ATP13A5: variants seen among roughly 807,000 people sequenced by gnomAD.
The protein encoded by ATP13A5 is probable cation-transporting ATPase 13A5.
ATP13A5 carries 149 observed loss-of-function variants against 150.2 expected under a neutral mutation model. That is an observed-to-expected ratio of 0.99 (90% confidence interval 0.87 to 1.14). ATP13A5 has a LOEUF of 1.14. ATP13A5 is among the 50% of genes most tolerant of loss of function. The pLI is 0.00. For missense variants in ATP13A5, 1,383 were observed against 1,449.3 expected (o/e 0.95, Z 0.74); for synonymous variants, 497 against 522.2 (o/e 0.95, Z 0.66).
At chr3:193,356,355 A>C (rs1712789649) in intron 5 of ATP13A5, among the ~76,000 whole-genome samples, 1 of 152,156 alleles carries the variant, frequency 6.6e-6, no homozygotes, top group Admixed American at 6.5e-5. Context: ...CCTAAAACAG[A>C]GCCTATTATA....
intron 7 of ATP13A5, among the ~76,000 whole-genome samples, chr3:193,350,316 T>C (rs901834154): frequency 6.6e-6 from 1 of 152,138 alleles, no homozygotes; most frequent in Non-Finnish European, 1.5e-5. Flanking sequence ...TATCCTTCAG[T>C]GGGTTCCCTT....
At chr3:193,356,931 T>G (rs1315513894) in intron 5 of ATP13A5, among the ~76,000 whole-genome samples, 1 of 152,170 alleles carries the variant, frequency 6.6e-6, no homozygotes, top group African/African-American at 2.4e-5. Flanking sequence ...TTCTCCTGCC[T>G]CAGCCTCCTG....
chr3:193,377,414 C>T (rs1713681604), intron 1 of ATP13A5, among the ~76,000 whole-genome samples: 1 of 152,104 alleles, frequency 6.6e-6, no homozygotes, highest in East Asian at 1.9e-4. Context: ...CCTAAGCTAT[C>T]TAAAATATTG....
chr3:193,331,223 T>C lies in ATP13A5; in HGVS notation c.1361A>G (p.Asn454Ser), dbSNP rs1711616469. ...PVLPAALTIG[N>S]VYAQKRLKKK... ...CTTCAGTCTCTTCTGAGCATACACG[T>C]TGCCTATGGTCAGGGCAGCTGGCAG... The change falls in exon 12 of 30, where the codon AAC (asparagine) becomes AGC (serine). Residue 454 changes from asparagine to serine, a missense_variant. By Grantham distance (46) the Asn-to-Ser change is conservative. Transcript: ENST00000342358. 1.2e-6 allele frequency: 2 copies of C among 1,613,972 alleles called. No individual in the cohort carries two copies. Among genetic ancestry groups the C allele is most frequent in the African/African-American group, 2.7e-5 (2 of 74,920 alleles).
intron 23 of ATP13A5, among the ~76,000 whole-genome samples, chr3:193,303,038 C>T (rs1006265389): frequency 3.3e-5 from 5 of 152,150 alleles, no homozygotes; most frequent in African/African-American, 9.7e-5. Flanking sequence ...ATCTGAAGTT[C>T]GAATGCCACT....
intron 27 of ATP13A5, among the ~76,000 whole-genome samples, chr3:193,281,628 G>A (rs1287223172): frequency 6.6e-6 from 1 of 152,082 alleles, no homozygotes; most frequent in Admixed American, 6.5e-5. Context: ...TGTTAAAAAG[G>A]GCAAAGAGTT....
intron 21 of ATP13A5, among the ~76,000 whole-genome samples, chr3:193,309,363 A>C (rs1718750835): frequency 6.6e-6 from 1 of 152,140 alleles, no homozygotes; most frequent in Non-Finnish European, 1.5e-5. Context: ...TCTGATTCTA[A>C]GCTATACAAC....
rs752547591 is a variant in ATP13A5, at chr3:193,354,145, C to T, written c.588G>A (p.Trp196Ter). Reference sequence around the variant, plus strand: ...CAGTTACCTGTTTAACAAGCAGCTTCCATATGGGTTGGATTTCAACCTCAA... The same window carrying T: ...CAGTTACCTGTTTAACAAGCAGCTTTCATATGGGTTGGATTTCAACCTCAA... ...NAIEVEIQPI[W>*]KLLVKQVLNP... The change falls in exon 6 of 30, where the codon TGG becomes TGA. Residue 196 changes from tryptophan to a stop codon, truncating the protein, a stop_gained. Coordinates refer to ENST00000342358, the MANE Select transcript of ATP13A5 (RefSeq NM_198505.4). LOFTEE classifies it high-confidence loss of function. The T allele has an allele frequency of 2.2e-5, 35 of 1,608,962 alleles. No homozygotes were observed. In the South Asian group the frequency reaches 3.7e-4, roughly 17 times the overall value.
chr3:193,322,546 C>A lies in ATP13A5; in HGVS notation c.1703G>T (p.Cys568Phe), dbSNP rs772278699. The change falls in exon 15 of 30, where the codon TGC (cysteine) becomes TTC (phenylalanine). Residue 568 changes from cysteine (C) to phenylalanine (F), a missense_variant. Coordinates refer to ENST00000342358, the MANE Select transcript of ATP13A5 (RefSeq NM_198505.4). Reference protein sequence around the residue: ...WKMEDCIVDSCKFGTSVSNII... With the variant: ...WKMEDCIVDSFKFGTSVSNII... Reference sequence around the variant, plus strand: ...GTTTGAAACTGACGTCCCAAATTTGCAGGAGTCTACAATGCAATCTTCCAT... The same window carrying A: ...GTTTGAAACTGACGTCCCAAATTTGAAGGAGTCTACAATGCAATCTTCCAT... 1.9e-6 allele frequency: 3 copies of A among 1,613,378 alleles called. No homozygotes were observed. Among genetic ancestry groups the A allele is most frequent in the Non-Finnish European group, 2.5e-6 (3 of 1,179,504 alleles).
At position 193,275,294 on chromosome 3, in the gene ATP13A5, G is replaced by A; in HGVS notation, c.3405C>T (p.Ile1135=). 6.2e-7 allele frequency: 1 copy of A among 1,612,570 alleles called. No individual in the cohort carries two copies. The highest frequency in any genetic ancestry group is 1.1e-5 in the South Asian group (1 of 90,972). ...FCVAFFVEDS[I]LQNHELWLLI... ...ACAGCCAGAGTTCATGATTTTGAAG[G>A]ATGGAATCCTGAAAAATCAGATGGG... Residue 1135 remains isoleucine (I), a synonymous_variant, in exon 30 of 30, where the codon ATC becomes ATT. Coordinates refer to ENST00000342358, the MANE Select transcript of ATP13A5 (RefSeq NM_198505.4).
chr3:193,363,962 T>TG, intron 2 of ATP13A5, 145 bp downstream of exon 2: 1 of 896,586 alleles, frequency 1.1e-6, no homozygotes, highest in African/African-American at 1.7e-5. Context: ...TTTTGCCGTA[T>TG]TTTCTCCTGT....
intron 23 of ATP13A5, among the ~76,000 whole-genome samples, chr3:193,302,585 C>T (rs1718440777): frequency 6.6e-6 from 1 of 152,192 alleles, no homozygotes; most frequent in African/African-American, 2.4e-5. Flanking sequence ...GTAGCTCATG[C>T]ATTTATCTAC....
chr3:193,311,785 A>G, intron 20 of ATP13A5, 31 bp downstream of exon 20: 1 of 1,611,726 alleles, frequency 6.2e-7, no homozygotes, highest in Non-Finnish European at 8.5e-7. Flanking sequence ...TTTGAGGAGC[A>G]AAACAAAACA....
At chr3:193,362,897 C>T (rs1003559013) in intron 3 of ATP13A5, among the ~76,000 whole-genome samples, 1 of 152,028 alleles carries the variant, frequency 6.6e-6, no homozygotes, top group Non-Finnish European at 1.5e-5. Flanking sequence ...CAGGTTCAAT[C>T]GATCCTCCTG....
chr3:193,360,395 T>C (rs1712959919), intron 5 of ATP13A5, among the ~76,000 whole-genome samples: 1 of 152,228 alleles, frequency 6.6e-6, no homozygotes, highest in Non-Finnish European at 1.5e-5. Context: ...TCCCCGTTCA[T>C]TTCTCATCTT....
chr3:193,287,592 GA>G (rs1272380731), intron 26 of ATP13A5, among the ~76,000 whole-genome samples: 3 of 151,942 alleles, frequency 2.0e-5, no homozygotes, highest in East Asian at 1.9e-4. Context: ...CTACTGCTCA[GA>G]AAAAAAAGAT....
At chr3:193,336,796 C>G (rs1280490822) in intron 9 of ATP13A5, among the ~76,000 whole-genome samples, 1 of 152,180 alleles carries the variant, frequency 6.6e-6, no homozygotes, top group African/African-American at 2.4e-5. Context: ...GTTCTAGATC[C>G]TTGAGGAATC....
At position 193,347,051 on chromosome 3, in the gene ATP13A5, A is replaced by C. The variant is rs867574281; in HGVS notation, c.742-1976T>G. ...CTTAGAATTTAGTCGTTTTCTCTGT[A>C]AACAGACAACATTGAATTGGATCAC... On this transcript the variant is annotated intron_variant, in intron 7 of 29. Coordinates refer to ENST00000342358, the MANE Select transcript of ATP13A5 (RefSeq NM_198505.4). Among the ~76,000 whole-genome samples, 11 of 152,268 alleles carry C rather than the reference A, an allele frequency of 7.2e-5. No individual in the cohort carries two copies. In the Middle Eastern group the frequency reaches 0.01, roughly 141 times the overall value.
intron 11 of ATP13A5, among the ~76,000 whole-genome samples, chr3:193,333,044 A>C (rs1029915185): frequency 6.6e-6 from 1 of 152,036 alleles, no homozygotes; most frequent in Admixed American, 6.6e-5. Flanking sequence ...GATTGAAATA[A>C]CTACTCAGCA....
Sources: allele counts gnomAD v4.1 joint callset (sites outside exome capture counted in the v4.1 genomes callset), GRCh38; gene constraint gnomAD v4.1.1; transcripts MANE v1.5; gene names NCBI Gene and HGNC (gene_info 2026-07-23, HGNC 2026-07-21).